Variants in ANO10 observed in about 807,000 individuals in gnomAD.
ANO10 encodes anoctamin 10, also known as anoctamin-10.
Under a neutral mutation model 74.7 loss-of-function variants are expected in ANO10, and 77 were observed. The observed-to-expected ratio is 1.03, with a 90% CI of 0.86 to 1.25. The LOEUF (loss-of-function observed/expected upper bound fraction) is 1.25. ANO10 is among the 50% of genes most tolerant of loss of function. The probability of loss-of-function intolerance (pLI) is 0.00; values close to 1 mark genes in which losing one functional copy is unlikely to be tolerated. For missense variants in ANO10, 721 were observed against 778.1 expected, an observed-to-expected ratio of 0.93 and a Z score of 0.87; for synonymous variants, 279 against 284.9, an observed-to-expected ratio of 0.98 and a Z score of 0.21.
At chr3:43,641,498 G>T (rs1400277255) in intron 1 of ANO10, among the ~76,000 whole-genome samples, 1 of 152,168 alleles carries the variant, frequency 6.6e-6, no homozygotes, top group Non-Finnish European at 1.5e-5. Flanking sequence ...AAAGGCCTTT[G>T]TGCAACATCC....
chr3:43,506,947 G>C (rs776955467), intron 11 of ANO10, among the ~76,000 whole-genome samples: 1 of 151,994 alleles, frequency 6.6e-6, no homozygotes, highest in African/African-American at 2.4e-5. Context: ...TACACTCCAC[G>C]AGTACAGAGG....
intron 12 of ANO10, among the ~76,000 whole-genome samples, chr3:43,395,629 G>A (rs1183759046): frequency 1.3e-5 from 2 of 151,582 alleles, no homozygotes; most frequent in Non-Finnish European, 2.9e-5. Flanking sequence ...ATTCTGCTCC[G>A]TTAATCTACA....
At chr3:43,586,740 A>T (rs1273536171) in intron 4 of ANO10, among the ~76,000 whole-genome samples, 2 of 152,166 alleles carry the variant, frequency 1.3e-5, no homozygotes, top group Non-Finnish European at 2.9e-5. Flanking sequence ...ATTCATGCAA[A>T]CATTCCATCT....
At chr3:43,566,995 G>C (rs1313835075) in intron 7 of ANO10, among the ~76,000 whole-genome samples, 3 of 152,192 alleles carry the variant, frequency 2.0e-5, no homozygotes, top group African/African-American at 2.4e-5. Flanking sequence ...TAAAGGAGCT[G>C]ATGGAGCTGA....
At chr3:43,565,348 A>G (rs2080259613) in intron 8 of ANO10, among the ~76,000 whole-genome samples, 1 of 152,170 alleles carries the variant, frequency 6.6e-6, no homozygotes, top group Non-Finnish European at 1.5e-5. Flanking sequence ...GGCACACAAA[A>G]CAGTTCAGTT....
chr3:43,581,400 A>C (rs2081255997), intron 4 of ANO10, among the ~76,000 whole-genome samples: 1 of 152,226 alleles, frequency 6.6e-6, no homozygotes, highest in Non-Finnish European at 1.5e-5. Context: ...TTAACCAAAG[A>C]CCGTATCTCC....
At chr3:43,438,531 G>A (rs1166692392) in intron 11 of ANO10, among the ~76,000 whole-genome samples, 2 of 151,946 alleles carry the variant, frequency 1.3e-5, no homozygotes, top group Non-Finnish European at 2.9e-5. Context: ...GATCACCTGA[G>A]GTTAGGAGTT....
intron 4 of ANO10, among the ~76,000 whole-genome samples, chr3:43,583,628 G>A (rs1005087021): frequency 2.0e-5 from 3 of 152,118 alleles, no homozygotes; most frequent in African/African-American, 7.2e-5. Flanking sequence ...CATTTCTGTG[G>A]GACAGAGAGG....
intron 11 of ANO10, among the ~76,000 whole-genome samples, chr3:43,432,944 C>CTTTTTTTTTTTTTTTTTTTTTTTTTTTT (rs5848663): frequency 5.4e-5 from 3 of 55,284 alleles, no homozygotes; most frequent in Admixed American, 3.1e-4. Flanking sequence ...TTGCTTAATT[C>CTTTTTTTTTTTTTTTTTTTTTTTTTTTT]TTTTTTTTTT....
chr3:43,532,553 A>G (rs1224400980), intron 11 of ANO10, among the ~76,000 whole-genome samples: 3 of 152,194 alleles, frequency 2.0e-5, no homozygotes, highest in Admixed American at 2.0e-4. Context: ...AATTCTCAAA[A>G]CAAAATTAAA....
chr3:43,541,690 C>T (rs1290614569), intron 11 of ANO10, among the ~76,000 whole-genome samples: 126 of 152,188 alleles, frequency 8.3e-4, no homozygotes, highest in Non-Finnish European at 4.4e-5. Context: ...CACTTGAAAA[C>T]AAAGAGTTAA....
chr3:43,626,137 T>C (rs1368704372), upstream of ANO10, among the ~76,000 whole-genome samples: 1 of 151,968 alleles, frequency 6.6e-6, no homozygotes, highest in Non-Finnish European at 1.5e-5. Flanking sequence ...TTTCACCATG[T>C]TGGTCAGGCT....
chr3:43,595,647 C>A (rs1028531851), intron 4 of ANO10, among the ~76,000 whole-genome samples: 1 of 152,116 alleles, frequency 6.6e-6, no homozygotes. Context: ...AAACCCACAG[C>A]CAATATCATA....
chr3:43,515,389 C>A (rs890356100), intron 11 of ANO10, among the ~76,000 whole-genome samples: 2 of 152,148 alleles, frequency 1.3e-5, no homozygotes, highest in African/African-American at 4.8e-5. Context: ...TTTGGGTAGC[C>A]CAGCACTCAC....
chr3:43,634,774 C>T (rs967769617), intron 1 of ANO10, among the ~76,000 whole-genome samples: 14 of 152,138 alleles, frequency 9.2e-5, no homozygotes, highest in African/African-American at 3.4e-4. Flanking sequence ...CATCTACACA[C>T]ATAAATATAA....
Position 43,654,168 on chromosome 3 carries a change from G to A in ANO10, c.-12+37349C>T, listed in dbSNP as rs1465198196. 2.6e-5 allele frequency among the ~76,000 whole-genome samples: 4 copies of A among 152,168 alleles called. No homozygotes were observed. In the East Asian group the frequency reaches 7.7e-4, roughly 29 times the overall value. On this transcript the variant is annotated intron_variant, in intron 1 of 3. Coordinates refer to the ANO10 transcript ENST00000413397. ...CATTATCACCTGAGCTGGATTGAGA[G>A]GGACATTCTGGAATTTGCCAACACA...
chr3:43,426,950 T>C lies in ANO10; in HGVS notation c.1914+5661A>G, dbSNP rs1021231537. Among the ~76,000 whole-genome samples the C allele has an allele frequency of 5.9e-5, 9 of 152,210 alleles. 1 individual carries two copies. Among genetic ancestry groups the C allele is most frequent in the African/African-American group, 2.2e-4 (9 of 41,466 alleles). ...AAAGATCTGTTTTCAGTACATTTCC[T>C]TCCCACATTCATTTCAGCAATCCAC... On this transcript the variant is annotated intron_variant, in intron 12 of 12. Transcript: ENST00000292246.
intron 6 of ANO10, among the ~76,000 whole-genome samples, chr3:43,575,476 T>C (rs942152812): frequency 1.3e-5 from 2 of 152,210 alleles, no homozygotes; most frequent in Admixed American, 1.3e-4. Flanking sequence ...CTTAACCTCC[T>C]GATACTCAGC....
chr3:43,593,532 T>C (rs2081917140), intron 4 of ANO10, among the ~76,000 whole-genome samples: 1 of 152,112 alleles, frequency 6.6e-6, no homozygotes, highest in African/African-American at 2.4e-5. Context: ...GAAGGACAAA[T>C]AAAATACTTT....
Sources: gnomAD v4.1 joint callset for allele counts (sites outside exome capture counted in the v4.1 genomes callset) on GRCh38, gnomAD v4.1.1 for gene constraint, MANE v1.5 for transcripts, NCBI Gene and HGNC (gene_info 2026-07-23, HGNC 2026-07-21) for gene names.